The following CHAF1A variants were observed in gnomAD, a reference collection of about 807,000 sequenced individuals.
CHAF1A encodes the protein chromatin assembly factor 1 subunit A, also known as CAF-1 subunit A.
A neutral mutation model predicts 93.2 loss-of-function variants in CHAF1A; 5 were observed. The observed-to-expected ratio is 0.05, with a 90% CI of 0.03 to 0.11. The LOEUF is 0.11. Ranked by LOEUF, CHAF1A falls within the 10% of genes least tolerant of loss-of-function variation. The probability of loss-of-function intolerance (pLI) is 1.00; values close to 1 mark genes in which losing one functional copy is unlikely to be tolerated. For missense variants in CHAF1A, 1,102 were observed against 1,259.9 expected, an observed-to-expected ratio of 0.87 and a Z score of 1.90; for synonymous variants, 504 against 510.3, an observed-to-expected ratio of 0.99 and a Z score of 0.17.
chr19:4,428,733 C>A lies in CHAF1A; in HGVS notation c.1447C>A (p.Arg483Ser). 1 of 1,614,194 alleles carries A rather than the reference C, an allele frequency of 6.2e-7. No individual in the cohort carries two copies. Among genetic ancestry groups the A allele is most frequent in the East Asian group, 2.2e-5 (1 of 44,872 alleles). The stretch of plus-strand genomic sequence containing the variant: ...AGAGCACATGGTCCTGGCCCCTCGG[C>A]GTCGGACCGCTTTCCATCCAGACCT... ...IKEHMVLAPR[R>S]RTAFHPDLCS... The change falls in exon 8 of 15, where the codon CGT becomes AGT. Residue 483 changes from arginine to serine, a missense_variant. Arg to Ser is a moderately radical substitution (Grantham distance 110, BLOSUM62 -1). Coordinates refer to ENST00000301280, the MANE Select transcript of CHAF1A (RefSeq NM_005483.3).
chr19:4,434,200 T>G (rs1274986946), intron 13 of CHAF1A, among the ~76,000 whole-genome samples: 2 of 151,654 alleles, frequency 1.3e-5, no homozygotes, highest in African/African-American at 2.4e-5. Context: ...ATTTTTAGAT[T>G]AGCCAAGCGG....
rs1440540090 is a variant in CHAF1A at position 4,429,580 on chromosome 19, G to A, written c.1747G>A (p.Ala583Thr). The A allele has an allele frequency of 6.2e-6, 10 of 1,613,938 alleles. No individual in the cohort carries two copies. In the Admixed American group the frequency reaches 1.0e-4, roughly 16 times the overall value. ...GAATAAGAAGACGGCACTCATCCGC[G>A]CGCGAGACCCCTGGGCCCAGGACAC... ...TWNKKTALIR[A>T]RDPWAQDTKL... Residue 583 changes from alanine (A) to threonine (T), a missense_variant, in exon 9 of 15, where the codon GCG becomes ACG. Ala to Thr is a moderately conservative substitution (Grantham distance 58, BLOSUM62 0). Coordinates refer to ENST00000301280, the MANE Select transcript of CHAF1A (RefSeq NM_005483.3).
downstream of CHAF1A, chr19:4,445,663 G>A (rs181653820): frequency 4.3e-5 from 68 of 1,591,136 alleles, no homozygotes; most frequent in South Asian, 1.9e-4. Flanking sequence ...ACCGAGAGTC[G>A]GCCCTTGCCG....
chr19:4,413,773 TGTTGTTTTAGTACTGCA>T (rs1422682832), intron 3 of CHAF1A, among the ~76,000 whole-genome samples: 6 of 152,218 alleles, frequency 3.9e-5, no homozygotes, highest in Non-Finnish European at 7.3e-5. Flanking sequence ...TGGTTTTTGT[TGTTGTTTTAGTACTGCA>T]GGATCTGGAG....
intron 3 of CHAF1A, among the ~76,000 whole-genome samples, chr19:4,411,998 G>A (rs112142866): frequency 0.024 from 3,644 of 152,120 alleles, 67 homozygotes; most frequent in Middle Eastern, 0.037. Context: ...AACTCTTGTC[G>A]TGGGGGTTTG....
intron 6 of CHAF1A, 49 bp from the exon 7 acceptor site, chr19:4,423,757 C>A: frequency 6.4e-7 from 1 of 1,567,284 alleles, no homozygotes; most frequent in Non-Finnish European, 8.8e-7. Flanking sequence ...GCAACACATA[C>A]TGTTCCTCTT....
At chr19:4,445,522 C>T, downstream of CHAF1A, 1 of 1,613,956 alleles carries the variant, frequency 6.2e-7, no homozygotes, top group Non-Finnish European at 8.5e-7. Context: ...CGATGGCTGA[C>T]AGGAGCTCGG....
intron 7 of CHAF1A, among the ~76,000 whole-genome samples, chr19:4,424,985 G>T (rs1446867582): frequency 6.6e-6 from 1 of 152,090 alleles, no homozygotes; most frequent in Non-Finnish European, 1.5e-5. Context: ...TGTTGCCCAG[G>T]CTGGTCTCGA....
chr19:4,436,287 G>A (rs1383378815), intron 13 of CHAF1A, among the ~76,000 whole-genome samples: 1 of 152,174 alleles, frequency 6.6e-6, no homozygotes, highest in Non-Finnish European at 1.5e-5. Flanking sequence ...GTCACAGCAG[G>A]AGGGGCCATC....
intron 13 of CHAF1A, among the ~76,000 whole-genome samples, chr19:4,437,574 T>G (rs1974308679): frequency 6.6e-6 from 1 of 151,998 alleles, no homozygotes; most frequent in Non-Finnish European, 1.5e-5. Flanking sequence ...CTCCAACTCC[T>G]GAGCTCTAGC....
intron 12 of CHAF1A, 89 bp from the exon 13 acceptor site, chr19:4,432,981 C>T (rs1283774013): frequency 5.5e-6 from 6 of 1,087,430 alleles, no homozygotes; most frequent in Admixed American, 2.6e-5. Context: ...GCCTCGGTGG[C>T]AATGAGCTTG....
intron 4 of CHAF1A, among the ~76,000 whole-genome samples, chr19:4,420,991 G>C (rs1266029586): frequency 6.6e-6 from 1 of 152,154 alleles, no homozygotes; most frequent in African/African-American, 2.4e-5. Flanking sequence ...TTTGAGCCCA[G>C]GACGGAGGTT....
intron 3 of CHAF1A, among the ~76,000 whole-genome samples, chr19:4,414,396 C>CA (rs530581987): frequency 0.39 from 43,268 of 112,264 alleles, 7,278 homozygotes; most frequent in East Asian, 0.61. Flanking sequence ...CAGACCGTCT[C>CA]AAAAAAAAAA....
chr19:4,411,352 C>T (rs1187724898), intron 3 of CHAF1A, among the ~76,000 whole-genome samples: 1 of 152,172 alleles, frequency 6.6e-6, no homozygotes, highest in Non-Finnish European at 1.5e-5. Flanking sequence ...GCCTCACCCT[C>T]TCAAGTAGCT....
At chr19:4,447,392 C>G, downstream of CHAF1A, 3 of 731,594 alleles carry the variant, frequency 4.1e-6, no homozygotes, top group Non-Finnish European at 7.0e-6. Flanking sequence ...TCCATCTTGT[C>G]CTGCTACCTT....
intron 1 of CHAF1A, among the ~76,000 whole-genome samples, chr19:4,403,228 C>G (rs1973618332): frequency 1.5e-5 from 2 of 133,526 alleles, no homozygotes; most frequent in Non-Finnish European, 3.2e-5. Context: ...GGCTCGGGGA[C>G]CAGTACCGAT....
intron 4 of CHAF1A, among the ~76,000 whole-genome samples, chr19:4,419,799 C>T (rs529942448): frequency 1.7e-3 from 265 of 152,268 alleles, no homozygotes; most frequent in African/African-American, 6.2e-3. Context: ...TTGGAACCTC[C>T]GAGTCCCGCA....
chr19:4,442,178 G>T (rs919471467), intron 13 of CHAF1A, 67 bp from the exon 14 acceptor site: 1 of 1,340,492 alleles, frequency 7.5e-7, no homozygotes. Flanking sequence ...AGTTCCCCCC[G>T]CTACCGCACT....
rs149907294 is a variant in CHAF1A at position 4,433,469 on chromosome 19, C to T, written c.2603C>T (p.Ser868Leu). The T allele has an allele frequency of 2.0e-3, 3,130 of 1,599,852 alleles. 3 individuals carry two copies. Among genetic ancestry groups the T allele is most frequent in the Non-Finnish European group, 2.6e-3 (3,006 of 1,168,494 alleles). Residue 868 changes from serine (S) to leucine (L), a missense_variant, in exon 13 of 15, where the codon TCG (serine) becomes TTG (leucine). Physicochemically the swap from Ser to Leu is moderately radical, Grantham distance 145. Transcript: ENST00000301280. This position sits in a 1 kb window ranked among gnomAD's most constrained non-coding sequence, Gnocchi z 5.6. ...GGGCCCAGCCAGGGCACTCCCATCT[C>T]GCTGAAGAGGAAGTCAGCGGGCAGC... ...STGPSQGTPI[S>L]LKRKSAGSMC...
Sources: gnomAD v4.1 joint callset for allele counts (sites outside exome capture counted in the v4.1 genomes callset) on GRCh38, gnomAD v4.1.1 for gene constraint, Gnocchi (gnomAD v3.1) non-coding constraint, MANE v1.5 for transcripts, NCBI Gene and HGNC (gene_info 2026-07-23, HGNC 2026-07-21) for gene names.